SERINC5: variants seen among roughly 807,000 people sequenced by gnomAD.
The protein encoded by SERINC5 is chromosome 5 open reading frame 12.
Under a neutral mutation model 63.1 loss-of-function variants are expected in SERINC5, and 41 were observed. The ratio of observed to expected loss-of-function variants is 0.65; its 90% CI spans 0.51 to 0.84. The LOEUF (loss-of-function observed/expected upper bound fraction) is 0.84. Ranked by LOEUF, SERINC5 falls within the 40% of genes least tolerant of loss-of-function variation. The pLI, the probability that SERINC5 is intolerant of heterozygous loss-of-function variation, is 0.00. For missense variants in SERINC5, 523 were observed against 573.0 expected, an observed-to-expected ratio of 0.91 and a Z score of 0.89; for synonymous variants, 222 against 215.2, an observed-to-expected ratio of 1.03 and a Z score of -0.28.
At chr5:80,236,718 G>A (rs1751706560) in intron 1 of SERINC5, among the ~76,000 whole-genome samples, 1 of 151,878 alleles carries the variant, frequency 6.6e-6, no homozygotes, top group Non-Finnish European at 1.5e-5. Flanking sequence ...TAGAGGCGGG[G>A]GTTTCACCAT....
intron 11 of SERINC5, among the ~76,000 whole-genome samples, chr5:80,116,514 A>G (rs1744327128): frequency 6.6e-6 from 1 of 151,894 alleles, no homozygotes; most frequent in African/African-American, 2.4e-5. Flanking sequence ...CTCCAGGCTT[A>G]GTGGGTGAGG....
At chr5:80,227,224 T>A (rs541004224) in intron 1 of SERINC5, among the ~76,000 whole-genome samples, 2 of 151,924 alleles carry the variant, frequency 1.3e-5, no homozygotes, top group African/African-American at 4.8e-5. Flanking sequence ...TCAGAAAAAA[T>A]TTTATAAGCT....
Position 80,177,310 on chromosome 5 carries a change from A to G in SERINC5, c.457+5T>C. ...AAACAGATACCCAAAATACCCCATT[A>G]GTACCGTTCAGAAAGGTGTCCTGAT... is the stretch of plus-strand genomic sequence containing the variant. On this transcript the variant is annotated splice_donor_5th_base_variant and intron_variant, in intron 4 of 11. Transcript: ENST00000507668. The G allele has an allele frequency of 6.2e-7, 1 of 1,603,816 alleles. No homozygotes were observed. Among genetic ancestry groups the G allele is most frequent in the Non-Finnish European group, 8.5e-7 (1 of 1,170,666 alleles).
chr5:80,255,589 G>A (rs866989963), intron 1 of SERINC5, among the ~76,000 whole-genome samples: 2 of 152,346 alleles, frequency 1.3e-5, no homozygotes, highest in Middle Eastern at 3.4e-3. Context: ...GGCGCAAGAG[G>A]CGACACGCCC....
chr5:80,112,330 C>T (rs1222531269), intron 12 of SERINC5, among the ~76,000 whole-genome samples: 2 of 152,198 alleles, frequency 1.3e-5, no homozygotes, highest in African/African-American at 2.4e-5. Flanking sequence ...ATCTGGCCTA[C>T]GTGCACATCC....
Position 80,139,548 on chromosome 5 carries a change from A to G in SERINC5, c.*4115T>C. ...TCTTTGGTAAAGGCCAAATATTTCA[A>G]CCTTTCAAAATGACTGCCTCTGTGA... is the stretch of plus-strand genomic sequence containing the variant. On this transcript the variant is annotated 3_prime_UTR_variant, in exon 12 of 12. Transcript: ENST00000507668. 1 of 984,262 alleles carries G rather than the reference A, an allele frequency of 1.0e-6. No individual in the cohort carries two copies. Among genetic ancestry groups the G allele is most frequent in the Non-Finnish European group, 1.2e-6 (1 of 829,898 alleles). 61.0% of individuals were successfully genotyped at this position (984,262 alleles called of 1,614,324 possible).
chr5:80,231,613 ACAGT>A (rs1751440936), intron 1 of SERINC5, among the ~76,000 whole-genome samples: 1 of 151,788 alleles, frequency 6.6e-6, no homozygotes, highest in Non-Finnish European at 1.5e-5. Context: ...CTTCCAACGT[ACAGT>A]CAAATTAAAA....
chr5:80,233,102 G>A (rs1235340681), intron 1 of SERINC5, among the ~76,000 whole-genome samples: 1 of 152,164 alleles, frequency 6.6e-6, no homozygotes, highest in South Asian at 2.1e-4. Flanking sequence ...GGCTGTATAT[G>A]CTATGTGAAA....
chr5:80,143,474 G>T lies in SERINC5; in HGVS notation c.*189C>A. 1.5e-6 allele frequency: 2 copies of T among 1,349,568 alleles called. No homozygotes were observed. Among genetic ancestry groups the T allele is most frequent in the East Asian group, 2.7e-5 (1 of 37,026 alleles). 83.6% of individuals were successfully genotyped at this position (1,349,568 alleles called of 1,614,324 possible). On this transcript the variant is annotated 3_prime_UTR_variant, in exon 12 of 12. Transcript: ENST00000507668. ...TTGGTTGAAAATTTCAATTCCTTTG[G>T]GACAAACTGGTAGTTTCTTTTTGAA...
intron 1 of SERINC5, among the ~76,000 whole-genome samples, chr5:80,240,866 T>C (rs1751910590): frequency 6.6e-6 from 1 of 151,992 alleles, no homozygotes; most frequent in Non-Finnish European, 1.5e-5. Context: ...AGAGATGAGT[T>C]CTCACTATTT....
intron 1 of SERINC5, among the ~76,000 whole-genome samples, chr5:80,221,502 T>C (rs940946112): frequency 1.3e-5 from 2 of 152,056 alleles, no homozygotes; most frequent in African/African-American, 4.8e-5. Flanking sequence ...AAAATGCTAA[T>C]GGACACATCC....
chr5:80,174,368 A>AT (rs1486106385), intron 5 of SERINC5, among the ~76,000 whole-genome samples: 4 of 99,244 alleles, frequency 4.0e-5, no homozygotes, highest in East Asian at 2.2e-4. Context: ...TCCCATCTCA[A>AT]AAATAATAAT....
intron 7 of SERINC5, among the ~76,000 whole-genome samples, chr5:80,159,448 AT>A (rs1005308444): frequency 2.6e-5 from 4 of 151,966 alleles, no homozygotes; most frequent in African/African-American, 7.2e-5. Flanking sequence ...TTTTTTTTTA[AT>A]GTGAGTGGCT....
intron 1 of SERINC5, among the ~76,000 whole-genome samples, chr5:80,224,133 C>CAAAAAA (rs33915521): frequency 9.8e-6 from 1 of 102,160 alleles, no homozygotes; most frequent in Non-Finnish European, 1.9e-5. Flanking sequence ...AACTCCGTCT[C>CAAAAAA]AAAAAAAAAA....
chr5:80,143,319 C>A lies in SERINC5; in HGVS notation c.*344G>T. ...TATTCCGAGGATGAGAATGACTGGC[C>A]CCACAAGATATTTTTATCCCTGTGA... On this transcript the variant is annotated 3_prime_UTR_variant, in exon 12 of 12. Transcript: ENST00000507668. 9.7e-7 allele frequency: 1 copy of A among 1,026,510 alleles called. No individual in the cohort carries two copies. Among genetic ancestry groups the A allele is most frequent in the Non-Finnish European group, 1.2e-6 (1 of 856,564 alleles). 63.6% of individuals were successfully genotyped at this position (1,026,510 alleles called of 1,614,324 possible).
At chr5:80,212,028 C>G (rs560773949) in intron 1 of SERINC5, among the ~76,000 whole-genome samples, 3 of 152,312 alleles carry the variant, frequency 2.0e-5, no homozygotes, top group Admixed American at 2.0e-4. Context: ...CGGGGCTGGA[C>G]AGCCAAGTTG....
At chr5:80,250,968 G>T (rs201819930) in intron 1 of SERINC5, among the ~76,000 whole-genome samples, 2 of 144,502 alleles carry the variant, frequency 1.4e-5, no homozygotes, top group African/African-American at 5.1e-5. Flanking sequence ...GAATAAACGT[G>T]TTTTTACTGC....
At chr5:80,174,719 G>C (rs1203370386) in intron 5 of SERINC5, among the ~76,000 whole-genome samples, 1 of 152,112 alleles carries the variant, frequency 6.6e-6, no homozygotes, top group East Asian at 1.9e-4. Context: ...ACGAGCAGGG[G>C]ATTGAGTGTG....
At chr5:80,215,152 C>T (rs527349546) in intron 1 of SERINC5, among the ~76,000 whole-genome samples, 19 of 152,214 alleles carry the variant, frequency 1.2e-4, no homozygotes, top group Non-Finnish European at 2.6e-4. Flanking sequence ...TGGCAGATGA[C>T]TGCATCATGG....
Sources: allele counts gnomAD v4.1 joint callset (sites outside exome capture counted in the v4.1 genomes callset), GRCh38; gene constraint gnomAD v4.1.1; transcripts MANE v1.5; gene names NCBI Gene and HGNC (gene_info 2026-07-23, HGNC 2026-07-21).